The following CALN1 variants were observed in gnomAD, a reference collection of about 807,000 sequenced individuals.
CALN1 encodes the protein calneuron 1, also known as calcium-binding protein 8.
A neutral mutation model predicts 30.6 loss-of-function variants in CALN1; 17 were observed. The observed-to-expected ratio is 0.56, with a 90% CI of 0.38 to 0.83. The LOEUF is 0.83. Ranked by LOEUF, CALN1 falls within the 40% of genes least tolerant of loss-of-function variation. The probability of loss-of-function intolerance (pLI) is 0.00; values close to 1 mark genes in which losing one functional copy is unlikely to be tolerated. For missense variants in CALN1, 291 were observed against 354.9 expected (o/e 0.82, Z 1.45); for synonymous variants, 156 against 131.4 (o/e 1.19, Z -1.28).
At chr7:72,451,386 G>A (rs1172929242), upstream of CALN1, among the ~76,000 whole-genome samples, 2 of 144,532 alleles carry the variant, frequency 1.4e-5, no homozygotes, top group Admixed American at 6.9e-5. Context: ...AGAAGAAGGA[G>A]GAGGAGGAGT....
intron 3 of CALN1, among the ~76,000 whole-genome samples, chr7:72,234,385 C>T (rs1458347436): frequency 6.6e-6 from 1 of 152,130 alleles, no homozygotes; most frequent in Admixed American, 6.5e-5. Flanking sequence ...TCTGACATCT[C>T]CTGAATATTG....
intron 3 of CALN1, among the ~76,000 whole-genome samples, chr7:72,198,217 C>T (rs1400519681): frequency 6.6e-6 from 1 of 152,162 alleles, no homozygotes; most frequent in Non-Finnish European, 1.5e-5. Context: ...CCAGAAAGAG[C>T]TCAGTCATTT....
At chr7:71,899,246 C>T (rs1031044836) in intron 5 of CALN1, among the ~76,000 whole-genome samples, 4 of 151,146 alleles carry the variant, frequency 2.6e-5, no homozygotes, top group Non-Finnish European at 4.4e-5. Flanking sequence ...TGGGTTCAAG[C>T]GATTCTCCTG....
At position 71,947,037 on chromosome 7, in the gene CALN1, G is replaced by C. The variant is rs1000852172; in HGVS notation, c.501+76620C>G. Among the ~76,000 whole-genome samples the C allele has an allele frequency of 3.9e-5, 6 of 152,230 alleles. No individual in the cohort carries two copies. In the East Asian group the frequency reaches 1.2e-3, roughly 29 times the overall value. On this transcript the variant is annotated intron_variant, in intron 5 of 6. Transcript: ENST00000395275. ...TTGTTGTTTGTTTTTTTGAGACAGA[G>C]TCTCGCTCTGCCACCTAGGCTGGAG...
At chr7:72,134,183 C>T (rs1023797475) in intron 3 of CALN1, among the ~76,000 whole-genome samples, 1 of 152,294 alleles carries the variant, frequency 6.6e-6, no homozygotes, top group Admixed American at 6.5e-5. Flanking sequence ...AGCAACAGGG[C>T]GCCATCTTGG....
chr7:72,448,059 C>T (rs1479781603), upstream of CALN1, among the ~76,000 whole-genome samples: 1 of 151,950 alleles, frequency 6.6e-6, no homozygotes, highest in Non-Finnish European at 1.5e-5. Context: ...CTCATGCACA[C>T]TCACACACAT....
At chr7:72,098,802 A>ACACT (rs67652331) in intron 4 of CALN1, among the ~76,000 whole-genome samples, 1 of 147,334 alleles carries the variant, frequency 6.8e-6, no homozygotes, top group Non-Finnish European at 1.5e-5. Context: ...ACACACACAC[A>ACACT]GCCAGTCCCA....
chr7:72,254,866 A>T (rs1410071373), intron 3 of CALN1, among the ~76,000 whole-genome samples: 1 of 152,046 alleles, frequency 6.6e-6, no homozygotes, highest in Non-Finnish European at 1.5e-5. Flanking sequence ...TCCCAGGTTC[A>T]AGCAATTCTC....
chr7:72,444,586 G>C (rs1052411798), intron 1 of CALN1, among the ~76,000 whole-genome samples: 2 of 152,144 alleles, frequency 1.3e-5, no homozygotes, highest in Non-Finnish European at 2.9e-5. Flanking sequence ...GAGTGACAGG[G>C]AGGAGGCCAT....
intron 2 of CALN1, among the ~76,000 whole-genome samples, chr7:72,301,593 G>A (rs1259961219): frequency 9.2e-6 from 1 of 109,186 alleles, no homozygotes; most frequent in African/African-American, 3.6e-5. Context: ...GGGCGACAGA[G>A]CAAAGACTTT....
At chr7:72,122,548 G>A (rs1808469732) in intron 3 of CALN1, among the ~76,000 whole-genome samples, 2 of 152,080 alleles carry the variant, frequency 1.3e-5, no homozygotes, top group African/African-American at 4.8e-5. Flanking sequence ...ACTAACCTGG[G>A]CAACTATCTC....
chr7:72,411,564 C>G lies in CALN1; in HGVS notation c.-74+494G>C, dbSNP rs146996406. Among the ~76,000 whole-genome samples the G allele has an allele frequency of 4.6e-5, 7 of 152,284 alleles. No individual in the cohort carries two copies. The East Asian group carries it at 1.3e-3, about 29-fold the overall frequency. On this transcript the variant is annotated intron_variant, in intron 1 of 6. Transcript: ENST00000395275. ...CTGAAAAGACGTCAAGGTAATAAAA[C>G]TCAGGCAATGAGCACTCAAATTGTA...
chr7:72,472,012 T>C, the CALN1 span, among the ~76,000 whole-genome samples: 4 of 152,024 alleles, frequency 2.6e-5, no homozygotes, highest in African/African-American at 9.7e-5. Context: ...CCCAGGCTGG[T>C]CTCAAACCCC....
intron 4 of CALN1, among the ~76,000 whole-genome samples, chr7:72,050,891 C>G (rs568838540): frequency 6.6e-6 from 1 of 151,942 alleles, no homozygotes; most frequent in East Asian, 1.9e-4. Context: ...ACTTGGGAGG[C>G]TGAGACAGGA....
chr7:71,811,500 C>T (rs1787955510), intron 5 of CALN1, among the ~76,000 whole-genome samples: 1 of 152,068 alleles, frequency 6.6e-6, no homozygotes, highest in South Asian at 2.1e-4. Flanking sequence ...AGCCACTGTG[C>T]CTGGCCATGA....
At chr7:72,157,276 T>C (rs1221991324) in intron 3 of CALN1, among the ~76,000 whole-genome samples, 1 of 152,196 alleles carries the variant, frequency 6.6e-6, no homozygotes, top group Admixed American at 6.5e-5. Context: ...ACATGGTCCA[T>C]GTCCTCAAAA....
At chr7:72,474,672 C>T in the CALN1 span, among the ~76,000 whole-genome samples, 5 of 148,924 alleles carry the variant, frequency 3.4e-5, no homozygotes, top group Non-Finnish European at 5.9e-5. Flanking sequence ...GCGACAAGAG[C>T]GAGATCTTGT....
chr7:72,080,944 C>T lies in CALN1; in HGVS notation c.388+25207G>A, dbSNP rs1481247263. ...CCCTGTTTGTTGCTGGTCTAGTATC[C>T]GGGCCCAATCCAGTGACCTTCTTAA... On this transcript the variant is annotated intron_variant, in intron 4 of 6. Transcript: ENST00000395275. Among the ~76,000 whole-genome samples the T allele has an allele frequency of 6.6e-5, 10 of 152,030 alleles. No homozygotes were observed. In the South Asian group the frequency reaches 8.3e-4, roughly 13 times the overall value.
chr7:72,172,132 T>C (rs1789014706), intron 3 of CALN1, among the ~76,000 whole-genome samples: 2 of 152,174 alleles, frequency 1.3e-5, no homozygotes, highest in Admixed American at 6.5e-5. Flanking sequence ...CCAGCCTGAT[T>C]GTGACTAAGC....
Sources: allele counts gnomAD v4.1 joint callset (sites outside exome capture counted in the v4.1 genomes callset), GRCh38; gene constraint gnomAD v4.1.1; transcripts MANE v1.5; gene names NCBI Gene and HGNC (gene_info 2026-07-23, HGNC 2026-07-21).